HTR4: variants seen among roughly 807,000 people sequenced by gnomAD.
HTR4 encodes the protein 5-hydroxytryptamine (serotonin) receptor 4, G protein-coupled.
In HTR4, 16 loss-of-function variants were observed where a neutral mutation model predicts 36.8. That is an observed-to-expected ratio of 0.43 (90% confidence interval 0.29 to 0.66). The LOEUF is 0.66. HTR4 is among the 30% of genes least tolerant of loss of function. HTR4 has a pLI of 0.13. For missense variants in HTR4, 438 were observed against 490.9 expected (o/e 0.89, Z 1.02); for synonymous variants, 189 against 185.1 (o/e 1.02, Z -0.17).
At chr5:148,511,815 G>T (rs1038475609) in intron 5 of HTR4, among the ~76,000 whole-genome samples, 1 of 152,028 alleles carries the variant, frequency 6.6e-6, no homozygotes, top group African/African-American at 2.4e-5. Context: ...CCAACATTTG[G>T]AATTTATTGT....
At chr5:148,457,779 T>A (rs193196069) in intron 5 of HTR4, among the ~76,000 whole-genome samples, 9 of 142,508 alleles carry the variant, frequency 6.3e-5, no homozygotes, top group Admixed American at 2.8e-4. Context: ...CATTAAAATA[T>A]ATTTTGACAT....
chr5:148,474,285 T>C (rs1755641721), downstream of HTR4, among the ~76,000 whole-genome samples: 1 of 151,528 alleles, frequency 6.6e-6, no homozygotes, highest in Admixed American at 6.6e-5. Flanking sequence ...TTACTGAGAA[T>C]GATAAAAAGC....
intron 4 of HTR4, among the ~76,000 whole-genome samples, chr5:148,537,870 C>T (rs956149250): frequency 1.3e-5 from 2 of 152,098 alleles, no homozygotes; most frequent in Non-Finnish European, 2.9e-5. Context: ...GAGACTCCTC[C>T]CCAACCCATC....
At chr5:148,476,496 C>G, downstream of HTR4, 4 of 1,126,128 alleles carry the variant, frequency 3.6e-6, no homozygotes. Context: ...AGAGTTTTCT[C>G]TTATCAGAAG....
Position 148,550,146 on chromosome 5 carries a change from C to T in HTR4, c.143G>A (p.Arg48Lys), listed in dbSNP as rs1759609862. 1 of 1,613,956 alleles carries T rather than the reference C, an allele frequency of 6.2e-7. No homozygotes were observed. Among genetic ancestry groups the T allele is most frequent in the Admixed American group, 1.7e-5 (1 of 59,996 alleles). The change falls in exon 3 of 7, where the codon AGG becomes AAG. Residue 48 changes from arginine (R) to lysine (K), a missense_variant. Coordinates refer to ENST00000377888, the MANE Select transcript of HTR4 (RefSeq NM_000870.7). ...CCCTCCTGCTGCTCACCTGAGCTGC[C>T]TGTCCCAGCACACAGCCACCATCAC... The part of the protein sequence containing the change: ...LLVMVAVCWD[R>K]QLRKIKTNYF...
At chr5:148,586,127 T>A (rs988826882) in intron 2 of HTR4, among the ~76,000 whole-genome samples, 1 of 152,134 alleles carries the variant, frequency 6.6e-6, no homozygotes, top group Non-Finnish European at 1.5e-5. Flanking sequence ...ACATGTTTGT[T>A]GTTGGGCTGC....
chr5:148,485,775 GA>G (rs1756125020), intron 6 of HTR4, among the ~76,000 whole-genome samples: 1 of 152,184 alleles, frequency 6.6e-6, no homozygotes, highest in African/African-American at 2.4e-5. Context: ...AATAAAGAAT[GA>G]GGGGTGAGGA....
At chr5:148,546,344 C>T (rs1157174591) in intron 4 of HTR4, among the ~76,000 whole-genome samples, 1 of 152,150 alleles carries the variant, frequency 6.6e-6, no homozygotes, top group East Asian at 1.9e-4. Context: ...GTTTTAGAGA[C>T]AAGAAAGGCT....
At chr5:148,563,486 A>G (rs527887368) in intron 2 of HTR4, among the ~76,000 whole-genome samples, 1 of 152,236 alleles carries the variant, frequency 6.6e-6, no homozygotes, top group East Asian at 1.9e-4. Flanking sequence ...AATCACTGAA[A>G]GCAAGAACTT....
At chr5:148,647,773 C>A (rs1234488830) in intron 1 of HTR4, among the ~76,000 whole-genome samples, 1 of 152,188 alleles carries the variant, frequency 6.6e-6, no homozygotes, top group Admixed American at 6.5e-5. Flanking sequence ...CGCTTGAACC[C>A]CGGAGGCGAA....
At chr5:148,573,996 T>C (rs1037985250) in intron 2 of HTR4, among the ~76,000 whole-genome samples, 1 of 152,056 alleles carries the variant, frequency 6.6e-6, no homozygotes, top group African/African-American at 2.4e-5. Flanking sequence ...TCAGGCCAGC[T>C]AAACAACCAA....
chr5:148,612,842 G>T (rs1458414659), intron 2 of HTR4, among the ~76,000 whole-genome samples: 2 of 143,004 alleles, frequency 1.4e-5, no homozygotes, highest in Non-Finnish European at 3.1e-5. Flanking sequence ...AAATGATAAA[G>T]GGGATATCAC....
Position 148,483,336 on chromosome 5 carries a change from A to G in HTR4, c.1077-43T>C, listed in dbSNP as rs376772791. ...TTACAGAACCTCAGAATTGGAAAGG[A>G]TGTTGCAGATCATCTCCTGAAAGAG... On this transcript the variant is annotated intron_variant, in intron 6 of 6. Coordinates refer to ENST00000377888, the MANE Select transcript of HTR4 (RefSeq NM_000870.7). 3.9e-6 allele frequency: 6 copies of G among 1,553,176 alleles called. No homozygotes were observed. The African/African-American group carries it at 6.8e-5, about 18-fold the overall frequency.
At chr5:148,465,416 C>T (rs901402864) in intron 5 of HTR4, among the ~76,000 whole-genome samples, 2 of 152,044 alleles carry the variant, frequency 1.3e-5, no homozygotes, top group Non-Finnish European at 2.9e-5. Context: ...CTTTAGAAAA[C>T]TTTTTTAAAA....
rs1032549110 is a variant in HTR4, at chr5:148,654,015, C to T, written c.-48+47G>A. ...GCCCCCGCCGCGTCCCCACCGGCAC[C>T]CGTGGGCTCCTGGGGTCCCGACCCC... On this transcript the variant is annotated intron_variant, in intron 1 of 6. Coordinates refer to ENST00000377888, the MANE Select transcript of HTR4 (RefSeq NM_000870.7). The T allele has an allele frequency of 1.8e-5, 18 of 979,112 alleles. No homozygotes were observed. In the Middle Eastern group the frequency reaches 2.1e-3, roughly 113 times the overall value. The allele number at this position is 979,112 out of a possible 1,614,324, so 60.7% of individuals were successfully genotyped here. A position where few individuals can be genotyped will look rare whatever the true frequency, so the allele number is the denominator to read the frequency against.
At chr5:148,471,007 A>T (rs1052188194) in intron 5 of HTR4, among the ~76,000 whole-genome samples, 7 of 152,106 alleles carry the variant, frequency 4.6e-5, no homozygotes, top group Non-Finnish European at 1.0e-4. Context: ...AGTAATTTCT[A>T]TTTTACAGAT....
At chr5:148,489,979 C>T (rs895257485) in intron 6 of HTR4, among the ~76,000 whole-genome samples, 1 of 151,986 alleles carries the variant, frequency 6.6e-6, no homozygotes, top group Admixed American at 6.6e-5. Context: ...ATATTATATA[C>T]ATAGTCCCAA....
chr5:148,516,627 C>CT (rs3041922), intron 5 of HTR4, among the ~76,000 whole-genome samples: 4,718 of 143,374 alleles, frequency 0.033, 157 homozygotes, highest in African/African-American at 0.078. Context: ...CAAAAATTCC[C>CT]TTTTTTTTTT....
At chr5:148,632,848 C>A (rs576550403) in intron 2 of HTR4, among the ~76,000 whole-genome samples, 70 of 152,270 alleles carry the variant, frequency 4.6e-4, no homozygotes, top group African/African-American at 1.6e-3. Context: ...ACATCAAAAG[C>A]ATAGCTGTTT....
Sources: gnomAD v4.1 joint callset for allele counts (sites outside exome capture counted in the v4.1 genomes callset) on GRCh38, gnomAD v4.1.1 for gene constraint, MANE v1.5 for transcripts, NCBI Gene and HGNC (gene_info 2026-07-23, HGNC 2026-07-21) for gene names.